The following WDR59 variants were observed in gnomAD, a reference collection of about 807,000 sequenced individuals.
WDR59 encodes WD repeat domain 59.
In WDR59, 100 loss-of-function variants were observed where a neutral mutation model predicts 131.2. The observed-to-expected ratio is 0.76, with a 90% CI of 0.65 to 0.90. The LOEUF is 0.90. Ranked by LOEUF, WDR59 falls within the 40% of genes least tolerant of loss-of-function variation. The probability of loss-of-function intolerance (pLI) is 0.00; values close to 1 mark genes in which losing one functional copy is unlikely to be tolerated. For synonymous variants in WDR59, 601 were observed against 466.2 expected (o/e 1.29, Z -3.72); for missense variants, 1,203 against 1,262.2 (o/e 0.95, Z 0.71).
chr16:74,881,802 G>A (rs865907130), intron 25 of WDR59, among the ~76,000 whole-genome samples: 3 of 151,276 alleles, frequency 2.0e-5, no homozygotes, highest in South Asian at 2.1e-4. Context: ...GAACCAAGGA[G>A]GGGGAGGTTG....
intron 14 of WDR59, among the ~76,000 whole-genome samples, chr16:74,910,716 G>T (rs931660759): frequency 2.0e-5 from 3 of 152,132 alleles, no homozygotes; most frequent in Non-Finnish European, 4.4e-5. Context: ...TCCATTATTG[G>T]AACACTAAGC....
intron 6 of WDR59, among the ~76,000 whole-genome samples, chr16:74,946,082 G>A (rs1567420622): frequency 6.6e-6 from 1 of 151,998 alleles, no homozygotes; most frequent in African/African-American, 2.4e-5. Context: ...CCAAAGTGCT[G>A]GGATTACAGG....
At chr16:74,916,501 T>C (rs1056040360) in intron 11 of WDR59, among the ~76,000 whole-genome samples, 6 of 152,002 alleles carry the variant, frequency 3.9e-5, no homozygotes, top group African/African-American at 1.4e-4. Flanking sequence ...TATGCAAGCC[T>C]CAGAAAAAAA....
intron 2 of WDR59, among the ~76,000 whole-genome samples, chr16:74,963,953 A>T (rs2145189976): frequency 1.3e-5 from 2 of 151,990 alleles, no homozygotes; most frequent in South Asian, 4.2e-4. Flanking sequence ...ATATGAAATG[A>T]GGCCAAGGTG....
intron 8 of WDR59, among the ~76,000 whole-genome samples, chr16:74,925,747 A>G (rs2030724146): frequency 1.3e-5 from 2 of 151,884 alleles, no homozygotes; most frequent in African/African-American, 4.8e-5. Context: ...CAGGTTTTCA[A>G]TGCTCGTACA....
chr16:74,881,303 C>G (rs1964469054), intron 25 of WDR59, among the ~76,000 whole-genome samples: 1 of 152,140 alleles, frequency 6.6e-6, no homozygotes, highest in Non-Finnish European at 1.5e-5. Context: ...AAACTGCTGC[C>G]TTTCCAGTGC....
At chr16:74,877,991 TCTCA>T (rs142807655) in intron 25 of WDR59, among the ~76,000 whole-genome samples, 2,671 of 152,310 alleles carry the variant, frequency 0.018, 58 homozygotes, top group African/African-American at 0.057. Flanking sequence ...AGAATAAAGC[TCTCA>T]CTCTCTACTA....
chr16:74,916,680 G>A (rs895666972), intron 11 of WDR59, among the ~76,000 whole-genome samples: 2 of 152,040 alleles, frequency 1.3e-5, no homozygotes, highest in Non-Finnish European at 2.9e-5. Context: ...CCAAGAGGGT[G>A]AAATGCCGTC....
At chr16:74,969,358 C>A (rs1393847048) in intron 1 of WDR59, among the ~76,000 whole-genome samples, 1 of 152,022 alleles carries the variant, frequency 6.6e-6, no homozygotes, top group South Asian at 2.1e-4. Flanking sequence ...CTGCAACCTC[C>A]ACCTCCCAGG....
Position 74,956,558 on chromosome 16 carries a change from T to C in WDR59, c.157A>G (p.Lys53Glu), listed in dbSNP as rs1237047913. Residue 53 changes from lysine to glutamate, a missense_variant, in exon 3 of 26, where the codon AAG (lysine) becomes GAG (glutamate). Lys to Glu is a moderately conservative substitution (Grantham distance 56). Transcript: ENST00000262144. ...NLDAPFEGHR[K>E]ISRQSKWDIG... is the part of the protein sequence containing the mutation. ...TCCCATTTGCTCTGGCGAGAGATCT[T>C]TCGGTGACCTTCGAAAGGGGCATCT... 1 of 1,614,148 alleles carries C rather than the reference T, an allele frequency of 6.2e-7. No individual in the cohort carries two copies. The highest frequency in any genetic ancestry group is 2.2e-5 in the East Asian group (1 of 44,888).
At chr16:74,970,676 G>A (rs1378173274) in intron 1 of WDR59, among the ~76,000 whole-genome samples, 1 of 152,052 alleles carries the variant, frequency 6.6e-6, no homozygotes, top group African/African-American at 2.4e-5. Context: ...AGCCCCTGCT[G>A]AGCATGGTCT....
rs890739964 is a variant in WDR59, at chr16:74,874,010, A to G, written c.*199T>C. 4 of 587,534 alleles carry G rather than the reference A, an allele frequency of 6.8e-6. No homozygotes were observed. The highest frequency in any genetic ancestry group is 1.2e-5 in the Non-Finnish European group (4 of 329,254). The allele number at this position is 587,534 out of a possible 1,614,324, so 36.4% of individuals were successfully genotyped here. ...TGCACTTCTGTCCTTATCTTCACAC[A>G]GTGACATCCACACCAGGTGGCCAAA... On this transcript the variant is annotated 3_prime_UTR_variant, in exon 26 of 26. Transcript: ENST00000262144.
At position 74,885,636 on chromosome 16, in the gene WDR59, G is replaced by A. The variant is rs1964717167; in HGVS notation, c.2689+17C>T. The A allele has an allele frequency of 6.2e-7, 1 of 1,612,830 alleles. No individual in the cohort carries two copies. Among genetic ancestry groups the A allele is most frequent in the Non-Finnish European group, 8.5e-7 (1 of 1,179,564 alleles). ...TCTTTCAGACAGTGAAAGGAAGAGA[G>A]AGAAATTCATACTCACCGATCCCTT... On this transcript the variant is annotated intron_variant, in intron 25 of 25. Coordinates refer to ENST00000262144, the MANE Select transcript of WDR59 (RefSeq NM_030581.4).
At position 74,915,439 on chromosome 16, in the gene WDR59, A is replaced by AT. The variant is rs202148461; in HGVS notation, c.1224+430dup. Reference sequence around the variant, plus strand: ...ATTTATTTATTTAATTATTTTATTTATTTTTTTTGAGACAGAGTCTTGCTC... The same window carrying AT: ...ATTTATTTATTTAATTATTTTATTTATTTTTTTTTGAGACAGAGTCTTGCTC... On this transcript the variant is annotated intron_variant, in intron 13 of 25. Transcript: ENST00000262144. 456 of 151,238 alleles carry AT rather than the reference A, an allele frequency of 3.0e-3. 3 individuals carry two copies. Among genetic ancestry groups the AT allele is most frequent in the Admixed American group, 0.011 (162 of 15,156 alleles). The allele number at this position is 151,238 out of a possible 1,614,324, so 9.4% of individuals were successfully genotyped here.
At position 74,891,474 on chromosome 16, in the gene WDR59, G is replaced by A. The variant is rs146200206; in HGVS notation, c.2082+1010C>T. ...GAGGAAGTTAATGACTTTCTGGGAT[G>A]AGATAAGATGTTTACTACCCTGGCT... is the stretch of plus-strand genomic sequence containing the variant. On this transcript the variant is annotated intron_variant, in intron 20 of 25. Transcript: ENST00000262144. Among the ~76,000 whole-genome samples, 268 of 152,316 alleles carry A rather than the reference G, an allele frequency of 1.8e-3. 3 individuals are homozygous for A. The highest frequency in any genetic ancestry group is 1.8e-4 in the Non-Finnish European group (12 of 68,028).
At chr16:74,971,098 G>A (rs1734970697) in intron 1 of WDR59, among the ~76,000 whole-genome samples, 1 of 151,950 alleles carries the variant, frequency 6.6e-6, no homozygotes, top group African/African-American at 2.4e-5. Flanking sequence ...TCAAAATCAA[G>A]GTCCTTCCAG....
chr16:74,925,961 G>A (rs1345417118), intron 8 of WDR59, among the ~76,000 whole-genome samples: 2 of 150,128 alleles, frequency 1.3e-5, no homozygotes. Flanking sequence ...CTCCAGTGTG[G>A]GCAACAGAGC....
intron 8 of WDR59, among the ~76,000 whole-genome samples, chr16:74,931,352 T>C (rs1244085539): frequency 6.6e-6 from 1 of 152,168 alleles, no homozygotes; most frequent in South Asian, 2.1e-4. Flanking sequence ...TTTTTCTTTT[T>C]TGAGAGATGG....
At chr16:74,919,990 G>A (rs896378440) in intron 10 of WDR59, among the ~76,000 whole-genome samples, 5 of 151,634 alleles carry the variant, frequency 3.3e-5, no homozygotes, top group East Asian at 1.9e-4. Flanking sequence ...AGCACTGCTC[G>A]AGCCCAGGAG....
Sources: gnomAD v4.1 joint callset for allele counts (sites outside exome capture counted in the v4.1 genomes callset) on GRCh38, gnomAD v4.1.1 for gene constraint, MANE v1.5 for transcripts, NCBI Gene and HGNC (gene_info 2026-07-23, HGNC 2026-07-21) for gene names.